TENM3: variants seen among roughly 807,000 people sequenced by gnomAD.
TENM3 encodes teneurin transmembrane protein 3.
A neutral mutation model predicts 255.1 loss-of-function variants in TENM3; 63 were observed. The ratio of observed to expected loss-of-function variants is 0.25; its 90% CI spans 0.20 to 0.30. TENM3 has a LOEUF of 0.30. Among genes scored for constraint, TENM3 ranks in the 10% least tolerant of loss-of-function variants. The pLI, the probability that TENM3 is intolerant of heterozygous loss-of-function variation, is 1.00. For synonymous variants in TENM3, 1,306 were observed against 1,322.3 expected (o/e 0.99, Z 0.27); for missense variants, 2,929 against 3,461.1 (o/e 0.85, Z 3.86).
At chr4:182,709,583 T>C (rs1758596612) in intron 12 of TENM3, among the ~76,000 whole-genome samples, 1 of 152,216 alleles carries the variant, frequency 6.6e-6, no homozygotes, top group Non-Finnish European at 1.5e-5. Flanking sequence ...ATAATGATGT[T>C]TATATTGTTG....
the TENM3 span, among the ~76,000 whole-genome samples, chr4:181,956,271 G>A: frequency 1.3e-5 from 2 of 152,060 alleles, no homozygotes. Context: ...GTTTCAATGT[G>A]GAAATTTTGA....
intron 1 of TENM3, among the ~76,000 whole-genome samples, chr4:182,249,171 G>C (rs983184214): frequency 6.6e-6 from 1 of 152,192 alleles, no homozygotes; most frequent in Non-Finnish European, 1.5e-5. Flanking sequence ...CACACCACCA[G>C]CTGTGGAAAT....
chr4:181,881,620 A>T, the TENM3 span, among the ~76,000 whole-genome samples: 3 of 152,104 alleles, frequency 2.0e-5, no homozygotes, highest in South Asian at 6.2e-4. Flanking sequence ...ATTTTGCTTT[A>T]CTTTTATTAG....
chr4:181,983,726 T>C, the TENM3 span, among the ~76,000 whole-genome samples: 1 of 152,134 alleles, frequency 6.6e-6, no homozygotes, highest in East Asian at 1.9e-4. Flanking sequence ...ATATATGCAC[T>C]GGGACCGATT....
At position 182,680,252 on chromosome 4, in the gene TENM3, TGTG is replaced by T. The variant is rs775817524; in HGVS notation, c.1547_1549del (p.Val516del). On this transcript the variant is annotated inframe_deletion, in exon 9 of 28. Transcript: ENST00000511685. Reference sequence around the variant, plus strand: ...CCTTCTTTCCTTTTTCTTCAGAGTCTGTGGTGGAATGTCCCCGAAATTGCCATG... The same window carrying T: ...CCTTCTTTCCTTTTTCTTCAGAGTCTGTGGAATGTCCCCGAAATTGCCATG... 5.0e-6 allele frequency: 8 copies of T among 1,610,204 alleles called. No individual in the cohort carries two copies. The African/African-American group carries it at 9.4e-5, about 19-fold the overall frequency.
chr4:181,873,659 G>A, the TENM3 span, among the ~76,000 whole-genome samples: 22 of 152,074 alleles, frequency 1.4e-4, no homozygotes, highest in East Asian at 4.3e-3. Context: ...CTATTTTATA[G>A]CCCAGCATCA....
intron 1 of TENM3, among the ~76,000 whole-genome samples, chr4:182,268,656 G>T (rs1474103182): frequency 6.6e-6 from 1 of 152,006 alleles, no homozygotes; most frequent in Non-Finnish European, 1.5e-5. Flanking sequence ...TAAAGGAGCC[G>T]GCCAAAACCC....
chr4:181,738,347 G>T, the TENM3 span, among the ~76,000 whole-genome samples: 1 of 152,138 alleles, frequency 6.6e-6, no homozygotes, highest in South Asian at 2.1e-4. Context: ...CACACGTTCT[G>T]TTCTTTTGAG....
chr4:182,036,989 G>A, the TENM3 span, among the ~76,000 whole-genome samples: 5 of 151,974 alleles, frequency 3.3e-5, no homozygotes, highest in African/African-American at 1.2e-4. Flanking sequence ...CCTTCCTCTT[G>A]TGTGTTATAT....
At chr4:182,082,943 T>C in the TENM3 span, among the ~76,000 whole-genome samples, 1 of 152,178 alleles carries the variant, frequency 6.6e-6, no homozygotes, top group Non-Finnish European at 1.5e-5. Flanking sequence ...TTCTCTTTTT[T>C]TGAGATGTCA....
In TENM3 at chr4:182,781,161, T is replaced by C. The variant is rs1381315482; in HGVS notation, c.5304+6008T>C. 4.7e-3 allele frequency among the ~76,000 whole-genome samples: 717 copies of C among 152,146 alleles called. 6 individuals are homozygous for C. The highest frequency in any genetic ancestry group is 0.016 in the African/African-American group (683 of 41,498). The stretch of plus-strand genomic sequence containing the variant: ...GTTGTCAAAGGGAATGCTTCCAGTT[T>C]TTGCCCATTCAGTATGATATTGGCT... On this transcript the variant is annotated intron_variant, in intron 24 of 27. Transcript: ENST00000511685.
intron 3 of TENM3, among the ~76,000 whole-genome samples, chr4:182,559,011 A>AT (rs1742857702): frequency 6.6e-6 from 1 of 151,996 alleles, no homozygotes; most frequent in South Asian, 2.1e-4. Context: ...TGGCATCATA[A>AT]TTTTCCAGGG....
chr4:181,535,475 G>A, the TENM3 span, among the ~76,000 whole-genome samples: 5 of 152,196 alleles, frequency 3.3e-5, no homozygotes, highest in African/African-American at 1.2e-4. Flanking sequence ...GCCATCTTTG[G>A]CCCCTACAGT....
the TENM3 span, among the ~76,000 whole-genome samples, chr4:181,899,166 A>G: frequency 6.6e-6 from 1 of 151,912 alleles, no homozygotes; most frequent in African/African-American, 2.4e-5. Flanking sequence ...GTGATTTTTT[A>G]TGTCACTTTT....
At chr4:182,763,426 G>C (rs902396793) in intron 22 of TENM3, among the ~76,000 whole-genome samples, 3 of 152,026 alleles carry the variant, frequency 2.0e-5, no homozygotes, top group African/African-American at 4.8e-5. Flanking sequence ...TTAGCTGGGC[G>C]TGGTGGCGGG....
the TENM3 span, among the ~76,000 whole-genome samples, chr4:181,937,304 C>G: frequency 6.6e-6 from 1 of 152,186 alleles, no homozygotes; most frequent in African/African-American, 2.4e-5. Context: ...GAAGAGTTTG[C>G]TTTTGATGCT....
At chr4:182,105,962 G>A in the TENM3 span, among the ~76,000 whole-genome samples, 1 of 152,200 alleles carries the variant, frequency 6.6e-6, no homozygotes, top group Non-Finnish European at 1.5e-5. Context: ...AACTGCACTT[G>A]TACCCCATAC....
the TENM3 span, among the ~76,000 whole-genome samples, chr4:181,881,661 G>A: frequency 1.3e-5 from 2 of 152,058 alleles, no homozygotes; most frequent in Non-Finnish European, 2.9e-5. Context: ...ACTGTCACAA[G>A]TCAATGAAAT....
chr4:181,808,682 G>A, the TENM3 span, among the ~76,000 whole-genome samples: 2 of 152,150 alleles, frequency 1.3e-5, no homozygotes, highest in African/African-American at 2.4e-5. Flanking sequence ...ACAAGCCAGC[G>A]AGCAAGTGAG....
Sources: allele counts gnomAD v4.1 joint callset (sites outside exome capture counted in the v4.1 genomes callset), GRCh38; gene constraint gnomAD v4.1.1; transcripts MANE v1.5; gene names NCBI Gene and HGNC (gene_info 2026-07-23, HGNC 2026-07-21).